Variants in TRPM4 observed in about 807,000 individuals in gnomAD.
TRPM4 encodes transient receptor potential cation channel subfamily M member 4.
Under a neutral mutation model 135.6 loss-of-function variants are expected in TRPM4, and 124 were observed. The observed-to-expected ratio is 0.91, with a 90% CI of 0.79 to 1.06. The LOEUF (loss-of-function observed/expected upper bound fraction) is 1.06, where lower values mean the gene tolerates loss of function less well. Among genes scored for constraint, TRPM4 ranks in the 50% least tolerant of loss-of-function variants. The pLI, the probability that TRPM4 is intolerant of heterozygous loss-of-function variation, is 0.00. For missense variants in TRPM4, 1,658 were observed against 1,671.4 expected (o/e 0.99, Z 0.14); for synonymous variants, 745 against 705.6 (o/e 1.06, Z -0.88).
In TRPM4 at chr19:49,196,410, C is replaced by T. The variant is rs754618972; in HGVS notation, c.2211-30C>T. On this transcript the variant is annotated intron_variant, in intron 16 of 24. Transcript: ENST00000252826. Reference sequence around the variant, plus strand: ...TCAGGACTCAGAGGTCAGAGTGAGGCCTCCTCCCTTCTCTTCTCTTCCCCC... The same window carrying T: ...TCAGGACTCAGAGGTCAGAGTGAGGTCTCCTCCCTTCTCTTCTCTTCCCCC... The T allele has an allele frequency of 1.9e-5, 29 of 1,512,036 alleles. No individual in the cohort carries two copies. In the Admixed American group the frequency reaches 4.9e-4, roughly 26 times the overall value. The allele number at this position is 1,512,036 out of a possible 1,614,324, so 93.7% of individuals were successfully genotyped here. A position where few individuals can be genotyped will look rare whatever the true frequency, so the allele number is the denominator to read the frequency against.
At chr19:49,182,546 A>C (rs779823654) in intron 10 of TRPM4, 32 bp from the exon 11 acceptor site, 1 of 1,584,260 alleles carries the variant, frequency 6.3e-7, no homozygotes, top group Non-Finnish European at 8.6e-7. Flanking sequence ...CCTTTGAGCT[A>C]ATCTCTTCCC....
chr19:49,181,261 C>A, intron 9 of TRPM4, 88 bp from the exon 10 acceptor site: 1 of 987,618 alleles, frequency 1.0e-6, no homozygotes. Flanking sequence ...GTTTAAAAGT[C>A]AGACATGCAA....
At position 49,188,670 on chromosome 19, in the gene TRPM4, G is replaced by A. The variant is rs1196031067; in HGVS notation, c.1773G>A (p.Gly591=). 2.5e-6 allele frequency: 4 copies of A among 1,614,112 alleles called. No homozygotes were observed. In the South Asian group the frequency reaches 4.4e-5, roughly 18 times the overall value. The change falls in exon 13 of 25, where the codon GGG becomes GGA. Residue 591 remains glycine (G), a synonymous_variant. Transcript: ENST00000252826. ...CCAATGCAGTTTCCTCAGCTCTTGGGGCCTGTTTGCTGCTCCGGGTGATGG... is the reference window on the plus strand; with the variant it reads ...CCAATGCAGTTTCCTCAGCTCTTGGAGCCTGTTTGCTGCTCCGGGTGATGG... ...MGSNAVSSAL[G]ACLLLRVMAR...
chr19:49,171,089 A>G lies in TRPM4; in HGVS notation c.797-268A>G, dbSNP rs1412269969. Among the ~76,000 whole-genome samples the G allele has an allele frequency of 6.6e-6, 1 of 152,126 alleles. No homozygotes were observed. Among genetic ancestry groups the G allele is most frequent in the African/African-American group, 2.4e-5 (1 of 41,412 alleles). On this transcript the variant is annotated intron_variant, in intron 6 of 24. Coordinates refer to ENST00000252826, the MANE Select transcript of TRPM4 (RefSeq NM_017636.4). The surrounding 1 kb of genome is among the most constrained non-coding windows in gnomAD (Gnocchi z 4.7). Reference sequence around the variant, plus strand: ...AGAAATTAGGCTGATGCGGTGGCTCATGCCTATAATCCCAGCACTTTGGGA... The same window carrying G: ...AGAAATTAGGCTGATGCGGTGGCTCGTGCCTATAATCCCAGCACTTTGGGA...
chr19:49,194,939 T>G (rs941046076), intron 16 of TRPM4, among the ~76,000 whole-genome samples: 3 of 151,406 alleles, frequency 2.0e-5, no homozygotes, highest in Non-Finnish European at 2.9e-5. Context: ...TTTTTTTTTT[T>G]TCTGTAGAGA....
chr19:49,158,007 A>AG lies in TRPM4; in HGVS notation c.24+120dup, dbSNP rs781669810. 7 of 1,345,928 alleles carry AG rather than the reference A, an allele frequency of 5.2e-6. No homozygotes were observed. The South Asian group carries it at 7.6e-5, about 15-fold the overall frequency. The allele number at this position is 1,345,928 out of a possible 1,614,324, so 83.4% of individuals were successfully genotyped here. A position where few individuals can be genotyped will look rare whatever the true frequency, so the allele number is the denominator to read the frequency against. On this transcript the variant is annotated intron_variant, in intron 1 of 24. Coordinates refer to ENST00000252826, the MANE Select transcript of TRPM4 (RefSeq NM_017636.4). ...GGGTCAGACGGAGGAGGGGGATGGG[A>AG]GGGTCCAGGTTCCAGGGTCCAGGGC...
intron 12 of TRPM4, 51 bp from the exon 13 acceptor site, chr19:49,188,590 C>A (rs577663542): frequency 1.2e-6 from 2 of 1,613,696 alleles, no homozygotes; most frequent in African/African-American, 1.3e-5. Context: ...CAGGCTTCCT[C>A]CCCCTCTATG....
intron 10 of TRPM4, among the ~76,000 whole-genome samples, chr19:49,182,110 A>ATCTG (rs1967963696): frequency 1.7e-5 from 2 of 118,034 alleles, no homozygotes; most frequent in Admixed American, 8.3e-5. Flanking sequence ...CCATCCATCC[A>ATCTG]TCCATCCATC....
chr19:49,187,609 C>T (rs1477668732), intron 12 of TRPM4, among the ~76,000 whole-genome samples: 1 of 152,126 alleles, frequency 6.6e-6, no homozygotes, highest in Non-Finnish European at 1.5e-5. Context: ...TTGTAACCAC[C>T]CAATGGGTTC....
At chr19:49,173,213 A>C (rs1967540940) in intron 9 of TRPM4, among the ~76,000 whole-genome samples, 2 of 132,792 alleles carry the variant, frequency 1.5e-5, no homozygotes, top group African/African-American at 2.9e-5. Context: ...CATCCACTGA[A>C]AATTCCTGAG....
chr19:49,200,401 T>A lies in TRPM4; in HGVS notation c.2747T>A (p.Leu916Gln). The A allele has an allele frequency of 6.7e-7, 1 of 1,496,736 alleles. No homozygotes were observed. Among genetic ancestry groups the A allele is most frequent in the Non-Finnish European group, 9.0e-7 (1 of 1,110,818 alleles). The allele number at this position is 1,496,736 out of a possible 1,614,324, so 92.7% of individuals were successfully genotyped here. A position where few individuals can be genotyped will look rare whatever the true frequency, so the allele number is the denominator to read the frequency against. The change falls in exon 18 of 25, where the codon CTG (leucine) becomes CAG (glutamine). Residue 916 changes from leucine (L) to glutamine (Q), a missense_variant. By Grantham distance (113) the Leu-to-Gln change is moderately radical (BLOSUM62 -2). This residue lies in a region of TRPM4 where 1,412 missense variants were observed against 1,408.7 expected (regional missense o/e 1.00). Transcript: ENST00000252826. ...LLHIFTVNKQ[L>Q]GPKIVIVSKM... ...CACATCTTCACGGTCAACAAACAGC[T>A]GGGGCCCAAGATCGTCATCGTGAGC...
In TRPM4 at chr19:49,196,635, C is replaced by T. The variant is rs1340101273; in HGVS notation, c.2406C>T (p.Leu802=). The T allele has an allele frequency of 2.6e-6, 4 of 1,550,716 alleles. No homozygotes were observed. The highest frequency in any genetic ancestry group is 1.7e-4 in the Middle Eastern group (1 of 5,998). Reference sequence around the variant, plus strand: ...TGCTGCTTTTCTCGCGGGTGCTGCTCGTGGATTTCCAGCCGGCGCCGCCCG... The same window carrying T: ...TGCTGCTTTTCTCGCGGGTGCTGCTTGTGGATTTCCAGCCGGCGCCGCCCG... ...LFLLLFSRVL[L]VDFQPAPPGS... is the part of the protein sequence containing the mutation. The change falls in exon 17 of 25, where the codon CTC becomes CTT. Residue 802 remains leucine, a synonymous_variant. Transcript: ENST00000252826.
intron 12 of TRPM4, among the ~76,000 whole-genome samples, chr19:49,183,420 A>G (rs1270391319): frequency 6.6e-6 from 1 of 152,068 alleles, no homozygotes; most frequent in African/African-American, 2.4e-5. Context: ...TTTTTGAGAC[A>G]GAGTCTCGCT....
In TRPM4 at chr19:49,196,519, G is replaced by A; in HGVS notation, c.2290G>A (p.Gly764Arg). ...GRPGCCGGRC[G>R]GRRCLRRWFH... ...TCCGGGTTGCTGCGGGGGCCGCTGCGGGGGGCGCCGGTGCCTACGCCGCTG... is the reference window on the plus strand; with the variant it reads ...TCCGGGTTGCTGCGGGGGCCGCTGCAGGGGGCGCCGGTGCCTACGCCGCTG... The change falls in exon 17 of 25, where the codon GGG (glycine) becomes AGG (arginine). Residue 764 changes from glycine (G) to arginine (R), a missense_variant. By Grantham distance (125) the Gly-to-Arg change is moderately radical. Around this residue, in one of 3 missense-constraint regions of TRPM4, gnomAD observed 1,412 missense variants for 1,408.7 expected, o/e 1.00. Coordinates refer to ENST00000252826, the MANE Select transcript of TRPM4 (RefSeq NM_017636.4). The A allele has an allele frequency of 1.9e-6, 3 of 1,551,890 alleles. No homozygotes were observed. The highest frequency in any genetic ancestry group is 2.6e-6 in the Non-Finnish European group (3 of 1,153,458).
In TRPM4 at chr19:49,190,733, T is replaced by G; in HGVS notation, c.2170T>G (p.Phe724Val). The G allele has an allele frequency of 6.2e-7, 1 of 1,614,080 alleles. No individual in the cohort carries two copies. The highest frequency in any genetic ancestry group is 8.5e-7 in the Non-Finnish European group (1 of 1,180,018). ...GGAGCCCACACGGGAGGAGCTAGAG[T>G]TTGACATGGATAGTGTCATTAATGG... is the stretch of plus-strand genomic sequence containing the variant. The part of the protein sequence containing the change: ...EEEPTREELE[F>V]DMDSVINGEG... The change falls in exon 16 of 25, where the codon TTT (phenylalanine) becomes GTT (valine). Residue 724 changes from phenylalanine (F) to valine (V), a missense_variant. By Grantham distance (50) the Phe-to-Val change is conservative. Around this residue, in one of 3 missense-constraint regions of TRPM4, gnomAD observed 1,412 missense variants for 1,408.7 expected, o/e 1.00. Coordinates refer to ENST00000252826, the MANE Select transcript of TRPM4 (RefSeq NM_017636.4).
chr19:49,169,797 G>T (rs531530310), intron 6 of TRPM4, among the ~76,000 whole-genome samples: 1 of 148,098 alleles, frequency 6.8e-6, no homozygotes, highest in African/African-American at 2.5e-5. Context: ...GTCGAAAGTG[G>T]TCCACCTGCC....
intron 2 of TRPM4, among the ~76,000 whole-genome samples, chr19:49,165,466 G>C (rs577276148): frequency 1.3e-5 from 2 of 152,132 alleles, no homozygotes; most frequent in African/African-American, 4.8e-5. Context: ...TGTGAAGTTC[G>C]TGTCGCGTTG....
At position 49,196,503 on chromosome 19, in the gene TRPM4, C is replaced by A; in HGVS notation, c.2274C>A (p.Cys758Ter). The A allele has an allele frequency of 2.0e-6, 3 of 1,534,722 alleles. No individual in the cohort carries two copies. Among genetic ancestry groups the A allele is most frequent in the African/African-American group, 1.8e-5 (1 of 56,158 alleles). The change falls in exon 17 of 25, where the codon TGC (cysteine) becomes TGA (stop). Residue 758 changes from cysteine to a stop codon, truncating the protein, a stop_gained. Transcript: ENST00000252826. LOFTEE classifies it high-confidence loss of function. ...CGCGCCAGTCGGGCCGTCCGGGTTG[C>A]TGCGGGGGCCGCTGCGGGGGGCGCC... ...GVPRQSGRPG[C>*]CGGRCGGRRC...
rs1165294089 is a variant in TRPM4 at position 49,200,311 on chromosome 19, G to T, written c.2657G>T (p.Gly886Val). The T allele has an allele frequency of 6.2e-7, 1 of 1,613,982 alleles. No individual in the cohort carries two copies. The highest frequency in any genetic ancestry group is 1.3e-5 in the African/African-American group (1 of 74,900). The stretch of plus-strand genomic sequence containing the variant: ...TCCCCACACCCCAGGCTGACCCCGG[G>T]TTTGTACCACCTGGGCCGCACTGTC... ...LLGVGCRLTP[G>V]LYHLGRTVLC... The change falls in exon 18 of 25, where the codon GGT becomes GTT. Residue 886 changes from glycine (G) to valine (V), a missense_variant. Physicochemically the swap from Gly to Val is moderately radical, Grantham distance 109. Around this residue, in one of 3 missense-constraint regions of TRPM4, gnomAD observed 1,412 missense variants for 1,408.7 expected, o/e 1.00. Coordinates refer to ENST00000252826, the MANE Select transcript of TRPM4 (RefSeq NM_017636.4).
Sources: allele counts gnomAD v4.1 joint callset (sites outside exome capture counted in the v4.1 genomes callset), GRCh38; gene constraint gnomAD v4.1.1; regional missense constraint gnomAD v4.1.1; non-coding constraint Gnocchi (gnomAD v3.1); transcripts MANE v1.5; gene names NCBI Gene and HGNC (gene_info 2026-07-23, HGNC 2026-07-21).